ESRRG: variants seen among roughly 807,000 people sequenced by gnomAD.
ESRRG encodes estrogen related receptor gamma, also known as estrogen-related receptor gamma.
In ESRRG, 13 loss-of-function variants were observed where a neutral mutation model predicts 44.0. The ratio of observed to expected loss-of-function variants is 0.30; its 90% confidence interval spans 0.19 to 0.47. The LOEUF (loss-of-function observed/expected upper bound fraction) is 0.47. ESRRG is among the 20% of genes least tolerant of loss of function. ESRRG has a pLI of 1.00. For synonymous variants in ESRRG, 215 were observed against 214.6 expected (o/e 1.00, Z -0.02); for missense variants, 395 against 580.6 (o/e 0.68, Z 3.29).
intron 2 of ESRRG, among the ~76,000 whole-genome samples, chr1:216,760,440 T>C (rs949431675): frequency 2.6e-5 from 4 of 151,966 alleles, no homozygotes; most frequent in African/African-American, 9.7e-5. Context: ...TTTGCTCTTT[T>C]AAAATCCAAA....
At position 216,718,581 on chromosome 1, in the gene ESRRG, C is replaced by T. The variant is rs547467805; in HGVS notation, c.56+4663G>A. 1.1e-4 allele frequency among the ~76,000 whole-genome samples: 17 copies of T among 152,034 alleles called. No homozygotes were observed. In the East Asian group the frequency reaches 3.3e-3, roughly 29 times the overall value. ...ATAAGTATGATTGGAGAAAGAGAGG[C>T]TAAATATCTCACTGTCAGAGAATGT... On this transcript the variant is annotated intron_variant, in intron 1 of 6. Transcript: ENST00000408911.
At chr1:216,569,111 A>AGGAAGAAGGAAGGAAGGAAGAAG (rs1553355981) in intron 3 of ESRRG, among the ~76,000 whole-genome samples, 2 of 104,468 alleles carry the variant, frequency 1.9e-5, no homozygotes, top group African/African-American at 3.5e-5. Flanking sequence ...GAAGGAAGGA[A>AGGAAGAAGGAAGGAAGGAAGAAG]GAAGGAAGGA....
At chr1:216,582,192 A>T (rs1223005879) in intron 3 of ESRRG, among the ~76,000 whole-genome samples, 1 of 152,152 alleles carries the variant, frequency 6.6e-6, no homozygotes. Context: ...TCATTAGAAA[A>T]CATTTCAAAC....
rs192162348 is a variant in ESRRG at position 216,642,341 on chromosome 1, T to G, written c.589+8632A>C. The stretch of plus-strand genomic sequence containing the variant: ...CTCTCAAAAATCTGTGTTATTAGTC[T>G]TACCTTCAAAATCTTTACTATTCAT... On this transcript the variant is annotated intron_variant, in intron 3 of 6. Coordinates refer to ENST00000408911, the MANE Select transcript of ESRRG (RefSeq NM_001438.4). Among the ~76,000 whole-genome samples the G allele has an allele frequency of 5.1e-4, 78 of 152,176 alleles. 1 individual carries two copies. Among genetic ancestry groups the G allele is most frequent in the Admixed American group, 1.8e-3 (27 of 15,244 alleles).
At chr1:216,783,828 T>C (rs6664421) in intron 2 of ESRRG, among the ~76,000 whole-genome samples, 4,731 of 152,174 alleles carry the variant, frequency 0.031, 236 homozygotes, top group African/African-American at 0.11. Context: ...TTTTCAAGGC[T>C]GGATTCAGTC....
At chr1:217,115,005 G>T (rs2092705571) in intron 1 of ESRRG, among the ~76,000 whole-genome samples, 2 of 152,126 alleles carry the variant, frequency 1.3e-5, no homozygotes, top group African/African-American at 4.8e-5. Flanking sequence ...GGAGGGATCT[G>T]CTTTGTGTAG....
chr1:216,556,948 T>TAG (rs1190708287), intron 5 of ESRRG, among the ~76,000 whole-genome samples: 2 of 152,142 alleles, frequency 1.3e-5, no homozygotes. Context: ...TGTTAAGTGG[T>TAG]AGAGCTAACA....
chr1:216,671,454 A>G (rs1279634102), intron 2 of ESRRG, among the ~76,000 whole-genome samples: 1 of 152,184 alleles, frequency 6.6e-6, no homozygotes, highest in Non-Finnish European at 1.5e-5. Context: ...AGCATCAAGG[A>G]TAACTCTGTG....
chr1:216,879,234 T>G (rs2096404093), intron 2 of ESRRG, among the ~76,000 whole-genome samples: 1 of 152,158 alleles, frequency 6.6e-6, no homozygotes. Context: ...GAGGTTGCAC[T>G]GAAGCTCAAC....
intron 2 of ESRRG, among the ~76,000 whole-genome samples, chr1:216,911,855 C>T (rs375541412): frequency 4.6e-5 from 7 of 151,816 alleles, no homozygotes; most frequent in African/African-American, 1.4e-4. Flanking sequence ...GGATCACGTG[C>T]GCTCAGGAGT....
chr1:217,085,843 T>C (rs1415064599), intron 1 of ESRRG, among the ~76,000 whole-genome samples: 2 of 152,036 alleles, frequency 1.3e-5, no homozygotes, highest in Non-Finnish European at 2.9e-5. Context: ...TCCACTAGCA[T>C]GAGAGGGTGA....
At chr1:216,677,581 A>C in intron 1 of ESRRG, 90 bp from the exon 2 acceptor site, 1 of 1,106,090 alleles carries the variant, frequency 9.0e-7, no homozygotes, top group Non-Finnish European at 1.3e-6. Flanking sequence ...GAGATGGTGA[A>C]AAATAGAGAA....
At chr1:216,959,852 T>G (rs2576224) in intron 1 of ESRRG, among the ~76,000 whole-genome samples, 78,243 of 151,850 alleles carry the variant, frequency 0.52, 21,875 homozygotes, top group Middle Eastern at 0.7. Flanking sequence ...TAGAGAATTT[T>G]TTAAGTAATA....
At chr1:217,003,832 T>C (rs536823347) in intron 1 of ESRRG, among the ~76,000 whole-genome samples, 5 of 151,956 alleles carry the variant, frequency 3.3e-5, no homozygotes, top group Non-Finnish European at 7.4e-5. Context: ...ATAAATGTAA[T>C]TTCAATGTCC....
At chr1:217,028,874 T>C (rs1031170925) in intron 1 of ESRRG, among the ~76,000 whole-genome samples, 1 of 152,150 alleles carries the variant, frequency 6.6e-6, no homozygotes, top group Admixed American at 6.6e-5. Flanking sequence ...GGCCCTACCT[T>C]GAAAAAATAC....
intron 2 of ESRRG, among the ~76,000 whole-genome samples, chr1:216,777,906 G>T (rs1417909505): frequency 6.6e-6 from 1 of 152,028 alleles, no homozygotes; most frequent in Non-Finnish European, 1.5e-5. Flanking sequence ...GCTGACTTAT[G>T]AAGACAACCA....
upstream of ESRRG, among the ~76,000 whole-genome samples, chr1:217,090,705 A>G (rs1659417598): frequency 6.6e-6 from 1 of 152,162 alleles, no homozygotes; most frequent in Non-Finnish European, 1.5e-5. Flanking sequence ...CGACTGACAC[A>G]TCATAAAATT....
intron 1 of ESRRG, among the ~76,000 whole-genome samples, chr1:217,026,949 A>AGAGAGAGAGAGAGAGG (rs55861005): frequency 6.8e-6 from 1 of 146,768 alleles, no homozygotes; most frequent in East Asian, 2.0e-4. Flanking sequence ...AGAGAGAGAG[A>AGAGAGAGAGAGAGAGG]AAGCCCAGTC....
intron 2 of ESRRG, among the ~76,000 whole-genome samples, chr1:216,922,868 G>A (rs1484524917): frequency 2.0e-5 from 3 of 152,118 alleles, no homozygotes; most frequent in Non-Finnish European, 2.9e-5. Context: ...TGCGCCATAC[G>A]GGTATTTGAC....
Sources: allele counts gnomAD v4.1 joint callset (sites outside exome capture counted in the v4.1 genomes callset), GRCh38; gene constraint gnomAD v4.1.1; transcripts MANE v1.5; gene names NCBI Gene and HGNC (gene_info 2026-07-23, HGNC 2026-07-21).